Variants in PPM1L observed in about 807,000 individuals in gnomAD.
PPM1L encodes the protein protein phosphatase, Mg2+/Mn2+ dependent 1L.
PPM1L carries 13 observed loss-of-function variants against 31.4 expected under a neutral mutation model. The ratio of observed to expected loss-of-function variants is 0.41; its 90% CI spans 0.27 to 0.66. The LOEUF (loss-of-function observed/expected upper bound fraction) is 0.66. Ranked by LOEUF, PPM1L falls within the 30% of genes least tolerant of loss-of-function variation. PPM1L has a pLI of 0.29. For synonymous variants in PPM1L, 184 were observed against 175.4 expected (o/e 1.05, Z -0.39); for missense variants, 326 against 453.7 (o/e 0.72, Z 2.56).
chr3:161,048,764 G>A (rs1324113793), intron 2 of PPM1L, among the ~76,000 whole-genome samples: 1 of 151,944 alleles, frequency 6.6e-6, no homozygotes, highest in African/African-American at 2.4e-5. Flanking sequence ...AAAAGGATGA[G>A]TTCATGTCCT....
intron 2 of PPM1L, among the ~76,000 whole-genome samples, chr3:161,059,424 C>G (rs1719510807): frequency 6.6e-6 from 1 of 152,092 alleles, no homozygotes; most frequent in Admixed American, 6.6e-5. Flanking sequence ...TCTGATAGCT[C>G]TTTTTATGGC....
intron 1 of PPM1L, among the ~76,000 whole-genome samples, chr3:160,934,118 AT>A (rs571810463): frequency 6.6e-6 from 1 of 152,200 alleles, no homozygotes; most frequent in East Asian, 1.9e-4. Context: ...TGGATGATCA[AT>A]TTTTTAAAAA....
chr3:160,913,900 T>C (rs1284133183), intron 1 of PPM1L, among the ~76,000 whole-genome samples: 1 of 152,210 alleles, frequency 6.6e-6, no homozygotes, highest in African/African-American at 2.4e-5. Flanking sequence ...AGTACTCAAA[T>C]ATGTACATCT....
At chr3:160,980,712 A>G (rs201513240) in intron 2 of PPM1L, among the ~76,000 whole-genome samples, 3 of 148,126 alleles carry the variant, frequency 2.0e-5, no homozygotes, top group East Asian at 2.0e-4. Flanking sequence ...GAGAGAAAAA[A>G]AAAGAGAGAG....
chr3:160,814,109 AT>A (rs1474998915), intron 1 of PPM1L, among the ~76,000 whole-genome samples: 2 of 152,200 alleles, frequency 1.3e-5, no homozygotes, highest in African/African-American at 4.8e-5. Flanking sequence ...TTAAGAAAAT[AT>A]TTGGAAGGGG....
chr3:160,786,024 C>T (rs1281029447), intron 1 of PPM1L, among the ~76,000 whole-genome samples: 1 of 150,092 alleles, frequency 6.7e-6, no homozygotes, highest in Non-Finnish European at 1.5e-5. Flanking sequence ...TTTATACTTC[C>T]ATTAGTGCTA....
At chr3:161,018,540 AG>A (rs1718149931) in intron 2 of PPM1L, among the ~76,000 whole-genome samples, 1 of 152,220 alleles carries the variant, frequency 6.6e-6, no homozygotes, top group South Asian at 2.1e-4. Flanking sequence ...TAATTAGTTT[AG>A]GACTAGAGTT....
intron 2 of PPM1L, among the ~76,000 whole-genome samples, chr3:161,007,544 C>T (rs1444705492): frequency 6.6e-6 from 1 of 152,238 alleles, no homozygotes; most frequent in Non-Finnish European, 1.5e-5. Flanking sequence ...ATAGACCAAG[C>T]TGTTCAACCT....
At chr3:161,039,850 T>G (rs771955327) in intron 2 of PPM1L, among the ~76,000 whole-genome samples, 9 of 152,206 alleles carry the variant, frequency 5.9e-5, no homozygotes, top group Non-Finnish European at 8.8e-5. Flanking sequence ...AAATAACTTC[T>G]TCCGTGTGGC....
At chr3:160,769,340 A>G (rs62272814) in intron 1 of PPM1L, among the ~76,000 whole-genome samples, 1 of 152,230 alleles carries the variant, frequency 6.6e-6, no homozygotes, top group Admixed American at 6.5e-5. Context: ...TGTAAAGTGT[A>G]TAACACTGAT....
In PPM1L at chr3:160,900,966, CTTTTAAGATACCAG is replaced by C. The variant is rs1713518946; in HGVS notation, c.400-60766_400-60753del. 2.0e-5 allele frequency among the ~76,000 whole-genome samples: 3 copies of C among 152,084 alleles called. No homozygotes were observed. In the South Asian group the frequency reaches 6.2e-4, roughly 32 times the overall value. On this transcript the variant is annotated intron_variant, in intron 1 of 3. Coordinates refer to ENST00000498165, the MANE Select transcript of PPM1L (RefSeq NM_139245.4). ...TGATTACTTTCTTGTCTTCATTTGG[CTTTTAAGATACCAG>C]TTTCTTTTGGTTCTTTTAGCTCAAT...
chr3:161,047,504 A>G, intron 2 of PPM1L, among the ~76,000 whole-genome samples: 1 of 152,244 alleles, frequency 6.6e-6, no homozygotes. Context: ...GAAAATTGCC[A>G]TACTGCCCAA....
At chr3:161,058,217 C>T (rs1345221075) in intron 2 of PPM1L, among the ~76,000 whole-genome samples, 7 of 141,466 alleles carry the variant, frequency 4.9e-5, no homozygotes, top group Middle Eastern at 4.2e-3. Context: ...CTCTGTCTCG[C>T]GGGCTCAAGC....
Position 160,787,284 on chromosome 3 carries a change from A to G in PPM1L, c.399+30577A>G, listed in dbSNP as rs554905688. ...AGCATCTGTTAATTTTTGACTTTTT[A>G]ATAATCACCATTCTGACTGGTGTGA... On this transcript the variant is annotated intron_variant, in intron 1 of 3. Coordinates refer to ENST00000498165, the MANE Select transcript of PPM1L (RefSeq NM_139245.4). Among the ~76,000 whole-genome samples, 24 of 152,242 alleles carry G rather than the reference A, an allele frequency of 1.6e-4. No individual in the cohort carries two copies. In the South Asian group the frequency reaches 1.9e-3, roughly 12 times the overall value.
intron 1 of PPM1L, among the ~76,000 whole-genome samples, chr3:160,878,894 A>G (rs1400517329): frequency 6.6e-6 from 1 of 152,162 alleles, no homozygotes; most frequent in African/African-American, 2.4e-5. Context: ...CATTTCATTT[A>G]TTTATGCCTG....
intron 2 of PPM1L, among the ~76,000 whole-genome samples, chr3:161,006,675 C>CTTTCCTTTT (rs1717718081): frequency 1.5e-5 from 2 of 136,672 alleles, no homozygotes; most frequent in African/African-American, 2.8e-5. Context: ...AACCCACCGT[C>CTTTCCTTTT]TTTCCTTTTT....
chr3:160,918,685 C>A (rs899874562), intron 1 of PPM1L, among the ~76,000 whole-genome samples: 3 of 152,156 alleles, frequency 2.0e-5, no homozygotes, highest in Admixed American at 2.0e-4. Context: ...TTAAAAAATA[C>A]TTTTGCAAGT....
At chr3:160,792,638 G>A (rs557870546) in intron 1 of PPM1L, among the ~76,000 whole-genome samples, 12 of 152,286 alleles carry the variant, frequency 7.9e-5, no homozygotes, top group African/African-American at 1.7e-4. Flanking sequence ...GGTCACAGTC[G>A]TCCCTAAGGC....
intron 1 of PPM1L, among the ~76,000 whole-genome samples, chr3:160,802,234 C>A (rs1395016053): frequency 2.0e-5 from 3 of 152,194 alleles, no homozygotes; most frequent in African/African-American, 7.2e-5. Flanking sequence ...GTTTTACCTT[C>A]CTTTCTCTCA....
Sources: gnomAD v4.1 joint callset for allele counts (sites outside exome capture counted in the v4.1 genomes callset) on GRCh38, gnomAD v4.1.1 for gene constraint, MANE v1.5 for transcripts, NCBI Gene and HGNC (gene_info 2026-07-23, HGNC 2026-07-21) for gene names.